The following CERS6 variants were observed in gnomAD, a reference collection of about 807,000 sequenced individuals.
The protein encoded by CERS6 is LAG1 homolog, ceramide synthase 6.
CERS6 carries 26 observed loss-of-function variants against 56.8 expected under a neutral mutation model. That is an observed-to-expected ratio of 0.46 (90% CI 0.34 to 0.63). CERS6 has a LOEUF of 0.63. Ranked by LOEUF, CERS6 falls within the 30% of genes least tolerant of loss-of-function variation. The pLI, the probability that CERS6 is intolerant of heterozygous loss-of-function variation, is 0.01. For missense variants in CERS6, 415 were observed against 467.5 expected, an observed-to-expected ratio of 0.89 and a Z score of 1.04; for synonymous variants, 164 against 173.3, an observed-to-expected ratio of 0.95 and a Z score of 0.42.
chr2:168,461,726 AG>A (rs1693783854), intron 1 of CERS6, among the ~76,000 whole-genome samples: 1 of 152,262 alleles, frequency 6.6e-6, no homozygotes. Flanking sequence ...TGGAGGAGGT[AG>A]GTGAGATAAC....
chr2:168,643,003 G>A (rs940244489), intron 4 of CERS6, among the ~76,000 whole-genome samples: 2 of 152,182 alleles, frequency 1.3e-5, no homozygotes, highest in African/African-American at 4.8e-5. Context: ...TTCAGTATTG[G>A]CGGAAGAGTT....
intron 4 of CERS6, among the ~76,000 whole-genome samples, chr2:168,688,325 T>G (rs1353677018): frequency 6.6e-6 from 1 of 151,986 alleles, no homozygotes; most frequent in Non-Finnish European, 1.5e-5. Context: ...GGAAAATTTT[T>G]TATCAATGGA....
At chr2:168,466,385 G>A (rs186773315) in intron 1 of CERS6, among the ~76,000 whole-genome samples, 28 of 152,232 alleles carry the variant, frequency 1.8e-4, no homozygotes, top group African/African-American at 6.7e-4. Flanking sequence ...AGCAGCCTAG[G>A]CCACAGGTAT....
chr2:168,565,071 C>T (rs1695860612), intron 3 of CERS6, among the ~76,000 whole-genome samples: 1 of 152,104 alleles, frequency 6.6e-6, no homozygotes, highest in African/African-American at 2.4e-5. Flanking sequence ...AGGAAAATTA[C>T]CTGACTATGG....
chr2:168,631,123 G>T, intron 4 of CERS6, 81 bp downstream of exon 4: 1 of 590,294 alleles, frequency 1.7e-6, no homozygotes, highest in Non-Finnish European at 2.9e-6. Context: ...ATGTGTGACT[G>T]TAATAATATT....
intron 3 of CERS6, among the ~76,000 whole-genome samples, chr2:168,585,250 A>G (rs1366551922): frequency 6.6e-6 from 1 of 152,264 alleles, no homozygotes; most frequent in Non-Finnish European, 1.5e-5. Context: ...GTTTAAGACC[A>G]GATTCTTGGT....
At chr2:168,597,651 A>G (rs1683833356) in intron 3 of CERS6, among the ~76,000 whole-genome samples, 1 of 152,202 alleles carries the variant, frequency 6.6e-6, no homozygotes, top group East Asian at 1.9e-4. Context: ...CCAATGATAC[A>G]AAATATTCTG....
At chr2:168,518,856 T>A (rs2105355021) in intron 1 of CERS6, among the ~76,000 whole-genome samples, 1 of 152,032 alleles carries the variant, frequency 6.6e-6, no homozygotes, top group East Asian at 1.9e-4. Flanking sequence ...AGGCTGACCG[T>A]TGGTATTCTC....
intron 4 of CERS6, among the ~76,000 whole-genome samples, chr2:168,642,333 C>T (rs544695357): frequency 4.0e-4 from 61 of 151,242 alleles, no homozygotes; most frequent in Admixed American, 7.2e-4. Context: ...CAGAATGAGA[C>T]CCTGTCTCAA....
chr2:168,548,133 T>G (rs1417497901), intron 2 of CERS6, among the ~76,000 whole-genome samples: 1 of 152,094 alleles, frequency 6.6e-6, no homozygotes, highest in Non-Finnish European at 1.5e-5. Context: ...CTGTGATAAG[T>G]AGACAAATGT....
At chr2:168,762,383 A>C (rs1684608356) in intron 8 of CERS6, among the ~76,000 whole-genome samples, 1 of 152,180 alleles carries the variant, frequency 6.6e-6, no homozygotes, top group Admixed American at 6.5e-5. Flanking sequence ...GTTAAATAAT[A>C]ATGGTTATAC....
chr2:168,718,411 T>G (rs560691626), intron 8 of CERS6, among the ~76,000 whole-genome samples: 1 of 152,356 alleles, frequency 6.6e-6, no homozygotes, highest in African/African-American at 2.4e-5. Context: ...TGCACATTCT[T>G]GGCCCCACCC....
intron 4 of CERS6, among the ~76,000 whole-genome samples, chr2:168,651,185 A>G (rs1255253738): frequency 6.6e-6 from 1 of 152,200 alleles, no homozygotes; most frequent in African/African-American, 2.4e-5. Flanking sequence ...GATGCATGCT[A>G]CAGTGGGCAG....
rs1684907282 is a variant in CERS6, at chr2:168,773,048, A to G, written c.*3386A>G. 6.6e-6 allele frequency: 1 copy of G among 152,158 alleles called. No homozygotes were observed. Among genetic ancestry groups the G allele is most frequent in the Non-Finnish European group, 1.5e-5 (1 of 68,022 alleles). The allele number at this position is 152,158 out of a possible 1,614,324, so 9.4% of individuals were successfully genotyped here. ...ATCTTCCATTTTATATTCAAACCTC[A>G]TTGTTATTTGGCCTAAGTAAAAAGT... On this transcript the variant is annotated 3_prime_UTR_variant, in exon 10 of 10. Transcript: ENST00000305747.
At chr2:168,492,226 A>G (rs1440055207) in intron 1 of CERS6, among the ~76,000 whole-genome samples, 3 of 152,228 alleles carry the variant, frequency 2.0e-5, no homozygotes, top group Non-Finnish European at 4.4e-5. Flanking sequence ...ACTAATTTAC[A>G]TTCCCACCAA....
chr2:168,715,518 A>AG (rs1408486237), intron 7 of CERS6, among the ~76,000 whole-genome samples: 3 of 152,146 alleles, frequency 2.0e-5, no homozygotes, highest in Non-Finnish European at 2.9e-5. Flanking sequence ...AAAATTAAGT[A>AG]GGGGTCATTG....
chr2:168,554,968 C>G (rs1000729905), intron 2 of CERS6, among the ~76,000 whole-genome samples: 6 of 151,868 alleles, frequency 4.0e-5, no homozygotes, highest in Non-Finnish European at 7.4e-5. Context: ...AAAATGGAAA[C>G]ACAATAGAAA....
chr2:168,577,764 G>A (rs1372578849), intron 3 of CERS6, among the ~76,000 whole-genome samples: 1 of 152,186 alleles, frequency 6.6e-6, no homozygotes, highest in Non-Finnish European at 1.5e-5. Context: ...CAGTGAAATA[G>A]GAAATGGGCA....
chr2:168,654,922 T>C (rs1056932328), intron 4 of CERS6, among the ~76,000 whole-genome samples: 1 of 152,234 alleles, frequency 6.6e-6, no homozygotes, highest in Non-Finnish European at 1.5e-5. Context: ...ATACATCTCA[T>C]GTACAACCAG....
Sources: gnomAD v4.1 joint callset for allele counts (sites outside exome capture counted in the v4.1 genomes callset) on GRCh38, gnomAD v4.1.1 for gene constraint, MANE v1.5 for transcripts, NCBI Gene and HGNC (gene_info 2026-07-23, HGNC 2026-07-21) for gene names.